Variants in KCNJ10 observed in about 807,000 individuals in gnomAD.
KCNJ10 encodes the protein ATP-sensitive inward rectifier potassium channel 10.
KCNJ10 carries 9 observed loss-of-function variants against 22.2 expected under a neutral mutation model. The observed-to-expected ratio is 0.40, with a 90% CI of 0.24 to 0.71. The LOEUF is 0.71. KCNJ10 is among the 30% of genes least tolerant of loss of function. KCNJ10 has a pLI of 0.35. For synonymous variants in KCNJ10, 184 were observed against 187.3 expected (o/e 0.98, Z 0.15); for missense variants, 337 against 482.7 (o/e 0.70, Z 2.83).
chr1:160,049,708 TA>T (rs1229301381), intron 1 of KCNJ10, among the ~76,000 whole-genome samples: 1 of 130,046 alleles, frequency 7.7e-6, no homozygotes, highest in Non-Finnish European at 1.6e-5. Flanking sequence ...TATATATATA[TA>T]TATATATATA....
At chr1:160,059,030 G>A (rs115992071) in intron 1 of KCNJ10, among the ~76,000 whole-genome samples, 1,601 of 152,204 alleles carry the variant, frequency 0.011, 26 homozygotes, top group African/African-American at 0.035. Flanking sequence ...TTTACGGTGC[G>A]CCAGGCATTG....
chr1:160,061,295 T>A (rs997690630), intron 1 of KCNJ10, among the ~76,000 whole-genome samples: 4 of 152,122 alleles, frequency 2.6e-5, no homozygotes, highest in African/African-American at 9.7e-5. Context: ...TCATCTTACC[T>A]CTCAGAGCCT....
chr1:160,046,422 C>A (rs563705239), intron 1 of KCNJ10, among the ~76,000 whole-genome samples: 18 of 152,274 alleles, frequency 1.2e-4, no homozygotes, highest in South Asian at 2.1e-4. Context: ...ATTGTAGCAA[C>A]TGCTTTTGTG....
chr1:160,066,672 A>G (rs1649329191), intron 1 of KCNJ10, among the ~76,000 whole-genome samples: 3 of 152,184 alleles, frequency 2.0e-5, no homozygotes, highest in South Asian at 4.1e-4. Context: ...GCTCTTAACC[A>G]TAGTGCCTGC....
intron 1 of KCNJ10, among the ~76,000 whole-genome samples, chr1:160,043,609 G>T (rs990685269): frequency 3.3e-5 from 5 of 152,230 alleles, no homozygotes; most frequent in African/African-American, 1.2e-4. Flanking sequence ...AAACTTCCTG[G>T]AAGCACTGGG....
chr1:160,068,212 A>G (rs1039826060), intron 1 of KCNJ10, among the ~76,000 whole-genome samples: 10 of 152,150 alleles, frequency 6.6e-5, no homozygotes, highest in African/African-American at 2.4e-4. Flanking sequence ...GGTAAGGGAT[A>G]GCAGAGGGGT....
chr1:160,069,620 G>A (rs1042400142), intron 1 of KCNJ10, among the ~76,000 whole-genome samples: 5 of 152,158 alleles, frequency 3.3e-5, no homozygotes, highest in Non-Finnish European at 7.3e-5. Context: ...GGGGAGTGGG[G>A]GAGGGGCTGG....
At position 160,041,690 on chromosome 1, in the gene KCNJ10, C is replaced by G; in HGVS notation, c.843G>C (p.Leu281=). The change falls in exon 2 of 2, where the codon CTG becomes CTC. Residue 281 remains leucine (L), a synonymous_variant. Transcript: ENST00000644903. The surrounding 1 kb of genome is among the most constrained non-coding windows in gnomAD (Gnocchi z 4.4). ...RSGEGDFELV[L]ILSGTVESTS... ...TGGACTCCACTGTCCCACTTAGGAT[C>G]AGCACCAGCTCAAAGTCACCCTCAC... is the stretch of plus-strand genomic sequence containing the variant. 6.2e-7 allele frequency: 1 copy of G among 1,614,202 alleles called. No individual in the cohort carries two copies. Among genetic ancestry groups the G allele is most frequent in the Non-Finnish European group, 8.5e-7 (1 of 1,180,030 alleles).
rs1294018950 is a variant in KCNJ10 at position 160,038,643 on chromosome 1, A to G, written c.*2750T>C. On this transcript the variant is annotated 3_prime_UTR_variant, in exon 2 of 2. Coordinates refer to ENST00000644903, the MANE Select transcript of KCNJ10 (RefSeq NM_002241.5). ...AATATTTCCTTTCTGTACATTCAAT[A>G]TATTTGGGCATATATACATCTATAT... The G allele has an allele frequency of 6.6e-6, 1 of 152,178 alleles. No individual in the cohort carries two copies. Among genetic ancestry groups the G allele is most frequent in the Non-Finnish European group, 1.5e-5 (1 of 68,040 alleles). The allele number at this position is 152,178 out of a possible 1,614,324, so 9.4% of individuals were successfully genotyped here.
At position 160,042,665 on chromosome 1, in the gene KCNJ10, T is replaced by C. The variant is rs574383398; in HGVS notation, c.1-133A>G. 7 of 895,890 alleles carry C rather than the reference T, an allele frequency of 7.8e-6. No homozygotes were observed. The Admixed American group carries it at 1.2e-4, about 15-fold the overall frequency. 55.5% of individuals were successfully genotyped at this position (895,890 alleles called of 1,614,324 possible). ...GTGTTCTTGTCTTACCAAATATTTA[T>C]TGAGCACTTGCTATGTGCCAGGCAC... is the stretch of plus-strand genomic sequence containing the variant. On this transcript the variant is annotated intron_variant, in intron 1 of 1. Transcript: ENST00000644903.
At chr1:160,052,467 C>T (rs1648927974) in intron 1 of KCNJ10, among the ~76,000 whole-genome samples, 1 of 152,136 alleles carries the variant, frequency 6.6e-6, no homozygotes, top group South Asian at 2.1e-4. Context: ...CTTCCTCTTC[C>T]ATGTTGGGAG....
Position 160,060,655 on chromosome 1 carries a change from C to G in KCNJ10, c.-1+9367G>C, listed in dbSNP as rs569881977. ...CTGTGACCCCATCCACCCTCCCAGG[C>G]CCCAGCACACCACTGTGCAGTCAGC... On this transcript the variant is annotated intron_variant, in intron 1 of 1. Coordinates refer to ENST00000644903, the MANE Select transcript of KCNJ10 (RefSeq NM_002241.5). 5.9e-5 allele frequency among the ~76,000 whole-genome samples: 9 copies of G among 152,300 alleles called. No individual in the cohort carries two copies. The South Asian group carries it at 1.9e-3, about 32-fold the overall frequency.
intron 1 of KCNJ10, among the ~76,000 whole-genome samples, chr1:160,049,194 C>T (rs1003597943): frequency 1.1e-4 from 17 of 152,152 alleles, no homozygotes; most frequent in Admixed American, 4.6e-4. Context: ...TTAGTTCTTT[C>T]TCTAGCTCAA....
At chr1:160,067,454 A>G (rs1467399481) in intron 1 of KCNJ10, among the ~76,000 whole-genome samples, 1 of 152,196 alleles carries the variant, frequency 6.6e-6, no homozygotes, top group African/African-American at 2.4e-5. Flanking sequence ...ATTGGGTGCT[A>G]AAACACTTAG....
intron 1 of KCNJ10, among the ~76,000 whole-genome samples, chr1:160,067,181 C>T (rs766063426): frequency 5.3e-5 from 8 of 152,160 alleles, no homozygotes; most frequent in South Asian, 2.1e-4. Context: ...TCCCTTCCCC[C>T]ACCACCTCAA....
chr1:160,045,145 G>T (rs1275475184), intron 1 of KCNJ10, among the ~76,000 whole-genome samples: 1 of 152,162 alleles, frequency 6.6e-6, no homozygotes, highest in African/African-American at 2.4e-5. Flanking sequence ...CTGGGGATAA[G>T]ATAAAGAAAA....
At chr1:160,060,571 T>A (rs971470418) in intron 1 of KCNJ10, among the ~76,000 whole-genome samples, 2 of 152,174 alleles carry the variant, frequency 1.3e-5, no homozygotes, top group African/African-American at 4.8e-5. Flanking sequence ...CACTCAATAA[T>A]ATTTGCTGAT....
intron 1 of KCNJ10, among the ~76,000 whole-genome samples, chr1:160,054,716 G>A (rs1162519528): frequency 6.6e-6 from 1 of 152,034 alleles, no homozygotes; most frequent in East Asian, 1.9e-4. Flanking sequence ...ACCTGGCCTA[G>A]GCCCCGAGAT....
intron 1 of KCNJ10, chr1:160,064,730 T>A (rs1649276707): frequency 6.6e-6 from 1 of 152,258 alleles, no homozygotes; most frequent in Admixed American, 6.5e-5. Flanking sequence ...ATCTTTTTTA[T>A]CACAGGGTCA....
Sources: gnomAD v4.1 joint callset for allele counts (sites outside exome capture counted in the v4.1 genomes callset) on GRCh38, gnomAD v4.1.1 for gene constraint, Gnocchi (gnomAD v3.1) non-coding constraint, MANE v1.5 for transcripts, NCBI Gene and HGNC (gene_info 2026-07-23, HGNC 2026-07-21) for gene names.